Variants in CNN3 observed in about 807,000 individuals in gnomAD.
CNN3 encodes the protein calponin-3.
A neutral mutation model predicts 39.0 loss-of-function variants in CNN3; 11 were observed. That is an observed-to-expected ratio of 0.28 (90% confidence interval 0.18 to 0.47). CNN3 has a LOEUF of 0.47. Ranked by LOEUF, CNN3 falls within the 20% of genes least tolerant of loss-of-function variation. The pLI, the probability that CNN3 is intolerant of heterozygous loss-of-function variation, is 0.99. For missense variants in CNN3, 266 were observed against 403.4 expected, an observed-to-expected ratio of 0.66 and a Z score of 2.92; for synonymous variants, 101 against 138.3, an observed-to-expected ratio of 0.73 and a Z score of 1.89.
chr1:94,904,391 C>G (rs2101721436), intron 1 of CNN3, among the ~76,000 whole-genome samples: 1 of 151,946 alleles, frequency 6.6e-6, no homozygotes, highest in South Asian at 2.1e-4. Context: ...AATCACATGC[C>G]CAAGTTCTTA....
At chr1:94,903,027 A>AAC (rs1670908448) in intron 3 of CNN3, 95 bp downstream of exon 3, 1 of 940,794 alleles carries the variant, frequency 1.1e-6, no homozygotes, top group Non-Finnish European at 1.5e-6. Context: ...TTAAAAAAAA[A>AAC]AAAAACACAA....
intron 1 of CNN3, among the ~76,000 whole-genome samples, chr1:94,922,516 C>T (rs1571537897): frequency 6.6e-6 from 1 of 152,278 alleles, no homozygotes; most frequent in East Asian, 1.9e-4. Flanking sequence ...TGGGAAGAGA[C>T]AGATAATAAG....
intron 1 of CNN3, among the ~76,000 whole-genome samples, chr1:94,913,407 TAC>T (rs1425874110): frequency 6.6e-6 from 1 of 152,236 alleles, no homozygotes; most frequent in African/African-American, 2.4e-5. Flanking sequence ...ATCCTTCTTC[TAC>T]ACAGAGTTAC....
Position 94,926,955 on chromosome 1 carries a change from C to T in CNN3, c.-61G>A. On this transcript the variant is annotated 5_prime_UTR_variant, in exon 1 of 7. Coordinates refer to ENST00000370206, the MANE Select transcript of CNN3 (RefSeq NM_001839.5). The surrounding 1 kb of genome is among the most constrained non-coding windows in gnomAD (Gnocchi z 4.2). ...TCCGGGGTCTCTCGCACTTCGCTTCCCCGCTCCTGGCCCCGAGGAGTGGCC... is the reference window on the plus strand; with the variant it reads ...TCCGGGGTCTCTCGCACTTCGCTTCTCCGCTCCTGGCCCCGAGGAGTGGCC... 4 of 1,564,142 alleles carry T rather than the reference C, an allele frequency of 2.6e-6. No homozygotes were observed. Among genetic ancestry groups the T allele is most frequent in the Non-Finnish European group, 1.7e-6 (2 of 1,145,164 alleles).
chr1:94,898,343 G>A (rs778361794), intron 6 of CNN3, among the ~76,000 whole-genome samples: 3 of 152,104 alleles, frequency 2.0e-5, no homozygotes, highest in Non-Finnish European at 2.9e-5. Context: ...CCTCAAACAC[G>A]TAAATTTAGC....
intron 6 of CNN3, 71 bp from the exon 7 acceptor site, chr1:94,898,154 A>G (rs1386120921): frequency 3.5e-6 from 5 of 1,426,408 alleles, no homozygotes; most frequent in African/African-American, 1.4e-5. Context: ...TTTATAAATT[A>G]TAGAATTCAC....
At chr1:94,903,664 C>T in intron 1 of CNN3, 140 bp from the exon 2 acceptor site, 1 of 1,098,962 alleles carries the variant, frequency 9.1e-7, no homozygotes. Flanking sequence ...ATCTCAATGG[C>T]AAACTTAACC....
At chr1:94,923,391 T>C (rs1198355679) in intron 1 of CNN3, among the ~76,000 whole-genome samples, 1 of 152,180 alleles carries the variant, frequency 6.6e-6, no homozygotes, top group Non-Finnish European at 1.5e-5. Context: ...GCCCTTTTAC[T>C]CTCTGATAGT....
intron 1 of CNN3, among the ~76,000 whole-genome samples, chr1:94,909,363 G>A (rs576653651): frequency 1.3e-5 from 2 of 152,270 alleles, no homozygotes; most frequent in East Asian, 1.9e-4. Flanking sequence ...CAAGGGATAG[G>A]AGGTAACTAG....
At chr1:94,901,025 T>C (rs764336736) in intron 5 of CNN3, among the ~76,000 whole-genome samples, 28 of 152,066 alleles carry the variant, frequency 1.8e-4, no homozygotes, top group Non-Finnish European at 3.7e-4. Context: ...TTTGAGACTA[T>C]CCTGGGCAAC....
intron 1 of CNN3, among the ~76,000 whole-genome samples, chr1:94,918,786 C>T (rs1228769265): frequency 2.0e-5 from 3 of 151,424 alleles, no homozygotes; most frequent in African/African-American, 7.3e-5. Flanking sequence ...CCCAGCTTCT[C>T]AGGAGGCTGA....
chr1:94,921,539 C>T (rs1671444159), intron 1 of CNN3, among the ~76,000 whole-genome samples: 1 of 152,052 alleles, frequency 6.6e-6, no homozygotes, highest in Non-Finnish European at 1.5e-5. Context: ...TAAGGATACA[C>T]TGTTAAAGAG....
chr1:94,901,539 T>A, intron 5 of CNN3, 130 bp downstream of exon 5: 1 of 547,594 alleles, frequency 1.8e-6, no homozygotes, highest in East Asian at 2.9e-5. Flanking sequence ...TAGATATAAA[T>A]TGTATAAACT....
rs547326662 is a variant in CNN3 at position 94,897,633 on chromosome 1, A to C, written c.*109T>G. The C allele has an allele frequency of 3.5e-5, 36 of 1,035,874 alleles. 1 individual carries two copies. In the African/African-American group the frequency reaches 5.2e-4, roughly 15 times the overall value. The allele number at this position is 1,035,874 out of a possible 1,614,324, so 64.2% of individuals were successfully genotyped here. On this transcript the variant is annotated 3_prime_UTR_variant, in exon 7 of 7. Coordinates refer to ENST00000370206, the MANE Select transcript of CNN3 (RefSeq NM_001839.5). ...GTAAGGCAATTTTTCTTAAAAGTACAATAAGCTTAATAGTGTTTTAGGAAG... is the reference window on the plus strand; with the variant it reads ...GTAAGGCAATTTTTCTTAAAAGTACCATAAGCTTAATAGTGTTTTAGGAAG...
At chr1:94,922,253 TA>T (rs955206422) in intron 1 of CNN3, among the ~76,000 whole-genome samples, 3 of 152,122 alleles carry the variant, frequency 2.0e-5, no homozygotes, top group Non-Finnish European at 2.9e-5. Flanking sequence ...AAAAATAAAA[TA>T]TTTTTTAGAA....
At chr1:94,899,299 C>T (rs1474428523) in intron 6 of CNN3, 72 bp downstream of exon 6, 5 of 1,453,896 alleles carry the variant, frequency 3.4e-6, no homozygotes, top group Admixed American at 4.7e-5. Flanking sequence ...CAAAAAATAC[C>T]TACTTTAAAC....
chr1:94,900,212 A>G (rs563210666), intron 5 of CNN3, among the ~76,000 whole-genome samples: 1 of 152,310 alleles, frequency 6.6e-6, no homozygotes, highest in African/African-American at 2.4e-5. Context: ...TTCTTTAAAA[A>G]TAAGATTAAA....
chr1:94,905,687 G>A (rs1025972050), intron 1 of CNN3, among the ~76,000 whole-genome samples: 2 of 152,142 alleles, frequency 1.3e-5, no homozygotes, highest in Non-Finnish European at 2.9e-5. Context: ...ATATTAAGAC[G>A]ACTAACTTTG....
intron 4 of CNN3, 150 bp downstream of exon 4, chr1:94,901,971 C>A: frequency 1.3e-6 from 1 of 752,756 alleles, no homozygotes; most frequent in South Asian, 1.7e-5. Flanking sequence ...TACGATGCAG[C>A]TGATGTCAGC....
Sources: allele counts gnomAD v4.1 joint callset (sites outside exome capture counted in the v4.1 genomes callset), GRCh38; gene constraint gnomAD v4.1.1; non-coding constraint Gnocchi (gnomAD v3.1); transcripts MANE v1.5; gene names NCBI Gene and HGNC (gene_info 2026-07-23, HGNC 2026-07-21).